BAG3: variants seen among roughly 807,000 people sequenced by gnomAD.
BAG3 encodes BAG family molecular chaperone regulator 3.
In BAG3, 14 loss-of-function variants were observed where a neutral mutation model predicts 40.5. The observed-to-expected ratio is 0.35, with a 90% CI of 0.23 to 0.54. The LOEUF (loss-of-function observed/expected upper bound fraction) is 0.54, where lower values mean the gene tolerates loss of function less well. Among genes scored for constraint, BAG3 ranks in the 20% least tolerant of loss-of-function variants. The pLI, the probability that BAG3 is intolerant of heterozygous loss-of-function variation, is 0.91. For missense variants in BAG3, 788 were observed against 758.6 expected (o/e 1.04, Z -0.46); for synonymous variants, 302 against 307.8 (o/e 0.98, Z 0.20).
chr10:119,667,731 C>T (rs1847085795), intron 1 of BAG3, among the ~76,000 whole-genome samples: 1 of 152,156 alleles, frequency 6.6e-6, no homozygotes, highest in African/African-American at 2.4e-5. Flanking sequence ...CAGGATGTTC[C>T]CCCAGGTGGT....
chr10:119,676,425 G>A (rs1847234739), intron 3 of BAG3, 39 bp from the exon 4 acceptor site: 1 of 1,602,956 alleles, frequency 6.2e-7, no homozygotes, highest in Non-Finnish European at 8.5e-7. Flanking sequence ...GTGACTTTCA[G>A]TCAGTTATTA....
chr10:119,655,652 A>C lies in BAG3; in HGVS notation c.180+3797A>C, dbSNP rs535892808. On this transcript the variant is annotated intron_variant, in intron 1 of 3. Coordinates refer to ENST00000369085, the MANE Select transcript of BAG3 (RefSeq NM_004281.4). Reference sequence around the variant, plus strand: ...CTCCTTCGTATTTCCAGCAAGTTGCAGTTGTGGCTGAGCAAGTTCCTGTGC... The same window carrying C: ...CTCCTTCGTATTTCCAGCAAGTTGCCGTTGTGGCTGAGCAAGTTCCTGTGC... Among the ~76,000 whole-genome samples the C allele has an allele frequency of 1.8e-4, 28 of 152,232 alleles. No homozygotes were observed. In the South Asian group the frequency reaches 5.6e-3, roughly 30 times the overall value.
In BAG3 at chr10:119,677,602, T is replaced by TG. The variant is rs1847259561; in HGVS notation, c.*322dup. On this transcript the variant is annotated 3_prime_UTR_variant, in exon 4 of 4. Coordinates refer to ENST00000369085, the MANE Select transcript of BAG3 (RefSeq NM_004281.4). ...TGCACTGTCTTTTGTAGCTCTGGAC[T>TG]GGAGGGGTAGATGGGGAGTCAATTA... 1 of 418,714 alleles carries TG rather than the reference T, an allele frequency of 2.4e-6. No individual in the cohort carries two copies. The highest frequency in any genetic ancestry group is 3.7e-5 in the Admixed American group (1 of 27,236). 25.9% of individuals were successfully genotyped at this position (418,714 alleles called of 1,614,324 possible). A position where few individuals can be genotyped will look rare whatever the true frequency, so the allele number is the denominator to read the frequency against.
intron 1 of BAG3, among the ~76,000 whole-genome samples, 200 bp downstream of exon 1, chr10:119,652,055 A>G (rs1182443781): frequency 2.6e-5 from 4 of 152,000 alleles, no homozygotes; most frequent in African/African-American, 7.2e-5. Context: ...CGCCCTTGAC[A>G]GGCGTCGGGG....
At chr10:119,662,226 G>GTTTTTTTTTTT (rs869230141) in intron 1 of BAG3, among the ~76,000 whole-genome samples, 12 of 84,100 alleles carry the variant, frequency 1.4e-4, no homozygotes, top group East Asian at 8.0e-4. Flanking sequence ...TTTTTTTTTT[G>GTTTTTTTTTTT]TTTTTTTTTT....
intron 1 of BAG3, among the ~76,000 whole-genome samples, chr10:119,654,873 G>A (rs755889298): frequency 7.2e-5 from 11 of 152,180 alleles, no homozygotes; most frequent in Non-Finnish European, 1.3e-4. Context: ...GAGCAGGGCC[G>A]CTCTAGCTCC....
Sources: allele counts gnomAD v4.1 joint callset (sites outside exome capture counted in the v4.1 genomes callset), GRCh38; gene constraint gnomAD v4.1.1; transcripts MANE v1.5; gene names NCBI Gene and HGNC (gene_info 2026-07-23, HGNC 2026-07-21).